TPD52: variants seen among roughly 807,000 people sequenced by gnomAD.
The protein encoded by TPD52 is prostate and colon associated protein.
In TPD52, 17 loss-of-function variants were observed where a neutral mutation model predicts 31.3. The observed-to-expected ratio is 0.54, with a 90% confidence interval of 0.37 to 0.82. The LOEUF is 0.82. Among genes scored for constraint, TPD52 ranks in the 40% least tolerant of loss-of-function variants. The pLI is 0.00. For missense variants in TPD52, 212 were observed against 240.1 expected (o/e 0.88, Z 0.77); for synonymous variants, 83 against 89.6 (o/e 0.93, Z 0.42).
intron 1 of TPD52, among the ~76,000 whole-genome samples, chr8:80,085,769 G>A (rs78242549): frequency 0.01 from 1,597 of 152,246 alleles, 13 homozygotes; most frequent in Non-Finnish European, 0.016. Context: ...GCTAAAGCTC[G>A]GGAGAAATTT....
In TPD52 at chr8:80,037,948, G is replaced by A; in HGVS notation, c.*168C>T. On this transcript the variant is annotated 3_prime_UTR_variant, in exon 8 of 8. Coordinates refer to ENST00000518937, the MANE Select transcript of TPD52 (RefSeq NM_001025253.3). Reference sequence around the variant, plus strand: ...TAAAGGGTGTTTCCCAAGAATAGAGGTGAAGATATTTTCATTTTGTTTAAC... The same window carrying A: ...TAAAGGGTGTTTCCCAAGAATAGAGATGAAGATATTTTCATTTTGTTTAAC... The A allele has an allele frequency of 1.2e-6, 1 of 837,018 alleles. No individual in the cohort carries two copies. The highest frequency in any genetic ancestry group is 1.8e-6 in the Non-Finnish European group (1 of 555,768). The allele number at this position is 837,018 out of a possible 1,614,324, so 51.8% of individuals were successfully genotyped here.
At chr8:80,083,155 T>C (rs1815455875) in intron 1 of TPD52, among the ~76,000 whole-genome samples, 1 of 150,760 alleles carries the variant, frequency 6.6e-6, no homozygotes, top group African/African-American at 2.5e-5. Context: ...GGGCAGACCA[T>C]TAAAGACTTT....
chr8:80,159,412 T>G (rs929505789), intron 1 of TPD52, among the ~76,000 whole-genome samples: 2 of 152,210 alleles, frequency 1.3e-5, no homozygotes, highest in Admixed American at 6.5e-5. Flanking sequence ...ACAGCTGTAC[T>G]GTGCTTTTGA....
chr8:80,036,947 T>C lies in TPD52; in HGVS notation c.*1169A>G, dbSNP rs1809950403. 6.6e-6 allele frequency: 1 copy of C among 152,396 alleles called. No homozygotes were observed. The highest frequency in any genetic ancestry group is 2.4e-5 in the African/African-American group (1 of 41,458). The allele number at this position is 152,396 out of a possible 1,614,324, so 9.4% of individuals were successfully genotyped here. On this transcript the variant is annotated 3_prime_UTR_variant, in exon 8 of 8. Transcript: ENST00000518937. ...TAAGCAGTTATTAGAATAGAATACC[T>C]TGGCCTCTATGCAAATATGTCTAGA...
At chr8:80,120,354 TGG>T (rs1750962966) in intron 1 of TPD52, among the ~76,000 whole-genome samples, 1 of 152,052 alleles carries the variant, frequency 6.6e-6, no homozygotes, top group African/African-American at 2.4e-5. Context: ...CTGGCCATGG[TGG>T]TTCACGTCTG....
intron 1 of TPD52, among the ~76,000 whole-genome samples, chr8:80,076,714 A>C (rs1210523916): frequency 2.6e-5 from 4 of 151,950 alleles, no homozygotes; most frequent in African/African-American, 4.8e-5. Flanking sequence ...TCATTCTGTC[A>C]CCCAGGCTGG....
At chr8:80,039,696 C>T (rs868005569) in intron 7 of TPD52, among the ~76,000 whole-genome samples, 3 of 152,050 alleles carry the variant, frequency 2.0e-5, no homozygotes, top group Admixed American at 1.3e-4. Context: ...ACACATCTCT[C>T]TAGCTTCACC....
At chr8:80,057,849 G>A (rs1812074643) in intron 2 of TPD52, among the ~76,000 whole-genome samples, 1 of 152,002 alleles carries the variant, frequency 6.6e-6, no homozygotes, top group Non-Finnish European at 1.5e-5. Context: ...TTTTAAAAGG[G>A]ACTATAAAGA....
chr8:80,040,185 CTTTTTTTTTTTTTTT>C (rs34611433), intron 7 of TPD52, among the ~76,000 whole-genome samples: 1 of 95,686 alleles, frequency 1.0e-5, no homozygotes, highest in Non-Finnish European at 2.0e-5. Flanking sequence ...ATACGCTATC[CTTTTTTTTTTTTTTT>C]TTTTTTTTTT....
intron 1 of TPD52, among the ~76,000 whole-genome samples, chr8:80,134,089 G>A (rs2131099418): frequency 6.6e-6 from 1 of 152,326 alleles, no homozygotes; most frequent in South Asian, 2.1e-4. Context: ...CACAGCTTAG[G>A]AGCAGTAGTT....
In TPD52 at chr8:80,065,508, T is replaced by C. The variant is rs10088759; in HGVS notation, c.20-915A>G. ...GCCCCTCAGATCTCCCCTCTTTTCC[T>C]GCCCAACCCTCACCCACAGGCTAAG... is the stretch of plus-strand genomic sequence containing the variant. On this transcript the variant is annotated intron_variant, in intron 1 of 7. Coordinates refer to ENST00000518937, the MANE Select transcript of TPD52 (RefSeq NM_001025253.3). 2.3e-3 allele frequency among the ~76,000 whole-genome samples: 348 copies of C among 152,106 alleles called. 5 individuals carry two copies. The highest frequency in any genetic ancestry group is 8.0e-3 in the African/African-American group (332 of 41,490).
At chr8:80,127,308 A>C (rs6473203) in intron 1 of TPD52, among the ~76,000 whole-genome samples, 3,196 of 152,250 alleles carry the variant, frequency 0.021, 117 homozygotes, top group African/African-American at 0.073. Flanking sequence ...TTTTTGATGG[A>C]TTATCATCCT....
chr8:80,144,869 C>T (rs893579344), intron 1 of TPD52, among the ~76,000 whole-genome samples: 8 of 151,550 alleles, frequency 5.3e-5, no homozygotes, highest in Non-Finnish European at 8.8e-5. Context: ...GCACCTTGTC[C>T]AGTAAGTTAT....
intron 1 of TPD52, among the ~76,000 whole-genome samples, chr8:80,088,165 C>T (rs1010207947): frequency 2.6e-5 from 4 of 152,240 alleles, no homozygotes; most frequent in East Asian, 1.9e-4. Flanking sequence ...AGCCTAGAGC[C>T]GGGCAGTAAG....
chr8:80,129,790 C>G (rs1017492601), intron 1 of TPD52, among the ~76,000 whole-genome samples: 1 of 151,256 alleles, frequency 6.6e-6, no homozygotes, highest in African/African-American at 2.4e-5. Context: ...ACCTCCACCT[C>G]CCAGGTTCAA....
In TPD52 at chr8:80,131,941, T is replaced by TATCTAATCAGTAGG. The variant is rs1809047556; in HGVS notation, c.19+39483_19+39484insCCTACTGATTAGAT. Among the ~76,000 whole-genome samples the TATCTAATCAGTAGG allele has an allele frequency of 2.0e-5, 3 of 151,978 alleles. No individual in the cohort carries two copies. In the South Asian group the frequency reaches 6.2e-4, roughly 32 times the overall value. ...ATGCAAACCCAACTCTCCTACTGAT[T>TATCTAATCAGTAGG]AGATGTATGAAATGGTGAAATCTCA... On this transcript the variant is annotated intron_variant, in intron 1 of 7. Transcript: ENST00000518937.
intron 1 of TPD52, among the ~76,000 whole-genome samples, chr8:80,160,519 C>T (rs765922856): frequency 6.6e-6 from 1 of 151,928 alleles, no homozygotes; most frequent in Admixed American, 6.6e-5. Context: ...TGGAATATTC[C>T]AACTTCCATA....
chr8:80,171,024 G>A, intron 1 of TPD52: 4 of 461,082 alleles, frequency 8.7e-6, no homozygotes, highest in Non-Finnish European at 1.6e-5. Flanking sequence ...TTCCCACCTG[G>A]AGGGACGAGA....
intron 3 of TPD52, chr8:80,052,714 T>C (rs1432131858): frequency 3.1e-6 from 4 of 1,276,442 alleles, no homozygotes; most frequent in African/African-American, 3.1e-5. Flanking sequence ...GATAATGCTA[T>C]ATCATAGCAT....
Sources: gnomAD v4.1 joint callset for allele counts (sites outside exome capture counted in the v4.1 genomes callset) on GRCh38, gnomAD v4.1.1 for gene constraint, MANE v1.5 for transcripts, NCBI Gene and HGNC (gene_info 2026-07-23, HGNC 2026-07-21) for gene names.